Variants in FAM111B observed in about 807,000 individuals in gnomAD.
The protein encoded by FAM111B is serine protease FAM111B.
In FAM111B, 1 loss-of-function variant was observed where a neutral mutation model predicts 2.8. The observed-to-expected ratio is 0.36, with a 90% CI of 0.13 to 1.70. FAM111B has a LOEUF of 1.70. Among genes scored for constraint, FAM111B ranks in the 40% most tolerant of loss-of-function variants. The probability of loss-of-function intolerance (pLI) is 0.35; values close to 1 mark genes in which losing one functional copy is unlikely to be tolerated. For synonymous variants in FAM111B, 297 were observed against 295.6 expected (o/e 1.00, Z -0.05); for missense variants, 882 against 878.9 (o/e 1.00, Z -0.04).
In FAM111B at chr11:59,125,125, C is replaced by G. The variant is rs1249617069; in HGVS notation, c.1028C>G (p.Pro343Arg). ...YIKDKTRQTI[P>R]RIRNYYFCSL... Reference sequence around the variant, plus strand: ...AAAGATAAAACTCGCCAGACAATTCCCAGGATTAGAAATTATTACTTTTGT... The same window carrying G: ...AAAGATAAAACTCGCCAGACAATTCGCAGGATTAGAAATTATTACTTTTGT... The change falls in exon 4 of 4, where the codon CCC becomes CGC. Residue 343 changes from proline (P) to arginine (R), a missense_variant. By Grantham distance (103) the Pro-to-Arg change is moderately radical. Transcript: ENST00000343597. 3.1e-6 allele frequency: 5 copies of G among 1,613,804 alleles called. No homozygotes were observed. Among genetic ancestry groups the G allele is most frequent in the Middle Eastern group, 1.6e-4 (1 of 6,062 alleles).
chr11:59,125,333 A>T lies in FAM111B; in HGVS notation c.1236A>T (p.Val412=), dbSNP rs1181573459. 1.2e-6 allele frequency: 2 copies of T among 1,613,976 alleles called. No individual in the cohort carries two copies. The highest frequency in any genetic ancestry group is 1.7e-6 in the Non-Finnish European group (2 of 1,179,838). The change falls in exon 4 of 4, where the codon GTA becomes GTT. Residue 412 remains valine, a synonymous_variant. Transcript: ENST00000343597. ...ATTTTAAAGAGGAGGCACAGTGGGT[A>T]AGAAAATATTTTCGGGAAGAACAAA... ...YPNFKEEAQW[V]RKYFREEQKR...
At position 59,125,376 on chromosome 11, in the gene FAM111B, C is replaced by T. The variant is rs781007193; in HGVS notation, c.1279C>T (p.Pro427Ser). The change falls in exon 4 of 4, where the codon CCA (proline) becomes TCA (serine). Residue 427 changes from proline (P) to serine (S), a missense_variant. Physicochemically the swap from Pro to Ser is moderately conservative, Grantham distance 74. Coordinates refer to ENST00000343597, the MANE Select transcript of FAM111B (RefSeq NM_198947.4). ...AGAACAAAAGAGAATGAATCTTTCA[C>T]CAGCTAAGCAATTCAACATATATAA... ...REEQKRMNLS[P>S]AKQFNIYKKD... 1.5e-5 allele frequency: 24 copies of T among 1,613,754 alleles called. No individual in the cohort carries two copies. Among genetic ancestry groups the T allele is most frequent in the Non-Finnish European group, 1.9e-5 (23 of 1,179,808 alleles).
chr11:59,116,827 G>A (rs1859847270), intron 3 of FAM111B, among the ~76,000 whole-genome samples: 1 of 152,236 alleles, frequency 6.6e-6, no homozygotes, highest in East Asian at 1.9e-4. Context: ...GATGCAGAAT[G>A]GTGGCAAGAA....
intron 3 of FAM111B, among the ~76,000 whole-genome samples, chr11:59,121,913 G>A (rs1253874273): frequency 2.6e-5 from 4 of 152,166 alleles, no homozygotes; most frequent in African/African-American, 4.8e-5. Context: ...GGGAGGCCGA[G>A]GCAGGTGGAT....
In FAM111B at chr11:59,126,484, T is replaced by C. The variant is rs1590896016; in HGVS notation, c.*182T>C. 2 of 482,278 alleles carry C rather than the reference T, an allele frequency of 4.1e-6. No individual in the cohort carries two copies. The highest frequency in any genetic ancestry group is 7.1e-6 in the Non-Finnish European group (2 of 282,966). The allele number at this position is 482,278 out of a possible 1,614,324, so 29.9% of individuals were successfully genotyped here. On this transcript the variant is annotated 3_prime_UTR_variant, in exon 4 of 4. Transcript: ENST00000343597. Reference sequence around the variant, plus strand: ...ACAACCTACGGAATGGGAGAAAATATTTGCAAACTATGCATACAGCAAAGA... The same window carrying C: ...ACAACCTACGGAATGGGAGAAAATACTTGCAAACTATGCATACAGCAAAGA...
intron 2 of FAM111B, among the ~76,000 whole-genome samples, chr11:59,109,151 T>C (rs933255677): frequency 1.3e-5 from 2 of 152,222 alleles, no homozygotes; most frequent in African/African-American, 2.4e-5. Flanking sequence ...CATCTGCTTC[T>C]TTTGGGTACT....
chr11:59,121,908 G>A (rs1358663190), intron 3 of FAM111B, among the ~76,000 whole-genome samples: 1 of 152,156 alleles, frequency 6.6e-6, no homozygotes, highest in Admixed American at 6.5e-5. Context: ...ACTTTGGGAG[G>A]CCGAGGCAGG....
chr11:59,122,883 G>A (rs376707840), intron 3 of FAM111B, among the ~76,000 whole-genome samples: 181 of 152,164 alleles, frequency 1.2e-3, no homozygotes, highest in African/African-American at 3.8e-3. Context: ...GATCCAAGCC[G>A]AGCTGTACCT....
At chr11:59,123,248 A>G (rs964728545) in intron 3 of FAM111B, among the ~76,000 whole-genome samples, 3 of 152,230 alleles carry the variant, frequency 2.0e-5, no homozygotes, top group Non-Finnish European at 4.4e-5. Context: ...AAGTAAGTCC[A>G]CCTTCACTAG....
intron 3 of FAM111B, among the ~76,000 whole-genome samples, chr11:59,112,833 TGTTA>T (rs1430582023): frequency 1.3e-5 from 2 of 152,236 alleles, no homozygotes; most frequent in Admixed American, 6.5e-5. Flanking sequence ...ATTTTATACT[TGTTA>T]GTTATTGCTG....
chr11:59,115,865 A>T (rs1183304939), intron 3 of FAM111B, among the ~76,000 whole-genome samples: 4 of 152,156 alleles, frequency 2.6e-5, no homozygotes, highest in African/African-American at 9.7e-5. Context: ...TTCTTATCTT[A>T]GTTTCTTTAA....
intron 3 of FAM111B, among the ~76,000 whole-genome samples, chr11:59,122,435 C>T (rs1185678539): frequency 1.3e-5 from 2 of 152,122 alleles, no homozygotes; most frequent in East Asian, 1.9e-4. Flanking sequence ...GGAAGAGATA[C>T]ATGGATGTTT....
Position 59,124,228 on chromosome 11 carries a change from T to C in FAM111B, c.131T>C (p.Leu44Pro), listed in dbSNP as rs1859969659. 1 of 1,613,790 alleles carries C rather than the reference T, an allele frequency of 6.2e-7. No individual in the cohort carries two copies. The highest frequency in any genetic ancestry group is 8.5e-7 in the Non-Finnish European group (1 of 1,179,760). Residue 44 changes from leucine to proline, a missense_variant, in exon 4 of 4, where the codon CTA (leucine) becomes CCA (proline). By Grantham distance (98) the Leu-to-Pro change is moderately conservative (BLOSUM62 -3). Coordinates refer to ENST00000343597, the MANE Select transcript of FAM111B (RefSeq NM_198947.4). The stretch of plus-strand genomic sequence containing the variant: ...GCTGACACACCTGTTGATCATTGTC[T>C]ATCTGGCATAAGAAAGTGTAGCAGC... ...THADTPVDHCLSGIRKCSSTF... is the reference protein window; with the variant it reads ...THADTPVDHCPSGIRKCSSTF...
At chr11:59,117,850 G>C (rs996953548) in intron 3 of FAM111B, among the ~76,000 whole-genome samples, 2 of 152,128 alleles carry the variant, frequency 1.3e-5, no homozygotes, top group African/African-American at 4.8e-5. Context: ...GCATTTTAAA[G>C]AAAAACTTAG....
intron 3 of FAM111B, among the ~76,000 whole-genome samples, chr11:59,122,097 G>T (rs1041968540): frequency 2.6e-5 from 4 of 152,162 alleles, no homozygotes; most frequent in Non-Finnish European, 5.9e-5. Flanking sequence ...AACCGAGATT[G>T]TGCCACTGCA....
Position 59,108,878 on chromosome 11 carries a change from G to C in FAM111B, c.-87+166G>C, listed in dbSNP as rs181229723. Among the ~76,000 whole-genome samples the C allele has an allele frequency of 2.9e-4, 44 of 152,074 alleles. No homozygotes were observed. In the East Asian group the frequency reaches 7.1e-3, roughly 25 times the overall value. On this transcript the variant is annotated intron_variant, in intron 2 of 3. Transcript: ENST00000343597. Reference sequence around the variant, plus strand: ...CAAGCTTTGTTAATTTCACAACTTTGGGTGCCAGAAATTTTTACATTCCTA... The same window carrying C: ...CAAGCTTTGTTAATTTCACAACTTTCGGTGCCAGAAATTTTTACATTCCTA...
chr11:59,119,008 T>C (rs1006749149), intron 3 of FAM111B, among the ~76,000 whole-genome samples: 1 of 152,234 alleles, frequency 6.6e-6, no homozygotes, highest in Admixed American at 6.5e-5. Context: ...GAGGCAATGT[T>C]CTTTTTAGTA....
In FAM111B at chr11:59,126,243, G is replaced by T. The variant is rs779173356; in HGVS notation, c.2146G>T (p.Glu716Ter). The T allele has an allele frequency of 8.2e-6, 13 of 1,594,272 alleles. No homozygotes were observed. In the African/African-American group the frequency reaches 1.8e-4, roughly 22 times the overall value. Residue 716 changes from glutamate (E) to a stop codon, truncating the protein, a stop_gained, in exon 4 of 4, where the codon GAG (glutamate) becomes TAG (stop). Transcript: ENST00000343597. LOFTEE classifies it low-confidence loss of function (END_TRUNC). ...TGAGAAACTTGAGACCTACGATGAA[G>T]AGAAAGGTAAACAAGAGTCATCACT... Reference protein sequence around the residue: ...NDEKLETYDEEKGKQESSLQD... With the variant: ...NDEKLETYDE
At chr11:59,123,920 C>G (rs932922219) in intron 3 of FAM111B, among the ~76,000 whole-genome samples, 3 of 151,838 alleles carry the variant, frequency 2.0e-5, no homozygotes, top group Middle Eastern at 6.8e-3. Flanking sequence ...GTCTTAAGAC[C>G]CTTGTTGAAA....
Sources: allele counts gnomAD v4.1 joint callset (sites outside exome capture counted in the v4.1 genomes callset), GRCh38; gene constraint gnomAD v4.1.1; transcripts MANE v1.5; gene names NCBI Gene and HGNC (gene_info 2026-07-23, HGNC 2026-07-21).